MRTFA: variants seen among roughly 807,000 people sequenced by gnomAD.
The protein encoded by MRTFA is myocardin-related transcription factor A.
Under a neutral mutation model 83.5 loss-of-function variants are expected in MRTFA, and 20 were observed. The observed-to-expected ratio is 0.24, with a 90% CI of 0.17 to 0.35. The LOEUF is 0.35. MRTFA is among the 10% of genes least tolerant of loss of function. MRTFA has a pLI of 1.00. For missense variants in MRTFA, 1,200 were observed against 1,224.7 expected (o/e 0.98, Z 0.30); for synonymous variants, 659 against 541.2 (o/e 1.22, Z -3.02).
At chr22:40,595,105 T>G (rs561657134) in intron 1 of MRTFA, among the ~76,000 whole-genome samples, 5 of 151,522 alleles carry the variant, frequency 3.3e-5, no homozygotes, top group African/African-American at 1.2e-4. Flanking sequence ...CTTATTGGTG[T>G]TGATAAATGC....
chr22:40,419,200 G>A lies in MRTFA; in HGVS notation c.1538C>T (p.Ala513Val). ...CAGGGCTGGCCCCGTGCTCAGCCGG[G>A]CCGCTGGGAAGGCTACCACCACCTC... Residue 513 changes from alanine to valine, a missense_variant, in exon 12 of 15, where the codon GCC becomes GTC. Physicochemically the swap from Ala to Val is moderately conservative, Grantham distance 64 (BLOSUM62 0). Transcript: ENST00000355630. 1.9e-6 allele frequency: 3 copies of A among 1,593,750 alleles called. No individual in the cohort carries two copies. The highest frequency in any genetic ancestry group is 2.6e-6 in the Non-Finnish European group (3 of 1,170,210).
chr22:40,501,987 C>A (rs1602346610), intron 3 of MRTFA, among the ~76,000 whole-genome samples: 3 of 131,060 alleles, frequency 2.3e-5, no homozygotes, highest in Admixed American at 1.4e-4. Context: ...GGGGGCTGAC[C>A]CCCCCACCTC....
intron 4 of MRTFA, among the ~76,000 whole-genome samples, chr22:40,440,582 T>G (rs2053256692): frequency 6.6e-6 from 1 of 152,200 alleles, no homozygotes; most frequent in African/African-American, 2.4e-5. Flanking sequence ...TGTCAGGACT[T>G]CCTGCTGGGT....
intron 1 of MRTFA, among the ~76,000 whole-genome samples, chr22:40,602,152 T>C (rs1029273692): frequency 2.6e-5 from 4 of 152,196 alleles, no homozygotes; most frequent in African/African-American, 9.7e-5. Flanking sequence ...ACCACTAGTA[T>C]CACAATCTAG....
At chr22:40,577,415 T>C (rs939238775) in intron 2 of MRTFA, among the ~76,000 whole-genome samples, 1 of 150,422 alleles carries the variant, frequency 6.6e-6, no homozygotes, top group Non-Finnish European at 1.5e-5. Context: ...ACATTAACCA[T>C]TTTACTTGAT....
At chr22:40,503,385 CT>C (rs2054529562) in intron 3 of MRTFA, among the ~76,000 whole-genome samples, 1 of 152,154 alleles carries the variant, frequency 6.6e-6, no homozygotes, top group African/African-American at 2.4e-5. Flanking sequence ...AACTTTTGTA[CT>C]TTTAGTAGAG....
rs145415129 is a variant in MRTFA, at chr22:40,477,509, A to C, written c.242-14223T>G. Among the ~76,000 whole-genome samples the C allele has an allele frequency of 5.9e-5, 9 of 152,226 alleles. 1 individual carries two copies. The highest frequency in any genetic ancestry group is 5.9e-4 in the Admixed American group (9 of 15,278). On this transcript the variant is annotated intron_variant, in intron 3 of 14. Coordinates refer to ENST00000355630, the MANE Select transcript of MRTFA (RefSeq NM_020831.6). ...TCCTCAATTTTCTCACTATAATTCA[A>C]TTTTGAAAACTAATCCATATACCCT...
At position 40,419,164 on chromosome 22, in the gene MRTFA, C is replaced by T. The variant is rs1413391490; in HGVS notation, c.1574G>A (p.Gly525Asp). ...CACCACCACCTCAGCTGGAGCCAGGCCTGCTGCCACCAGGGCTGGCCCCGT... is the reference window on the plus strand; with the variant it reads ...CACCACCACCTCAGCTGGAGCCAGGTCTGCTGCCACCAGGGCTGGCCCCGT... Residue 525 changes from glycine to aspartate, a missense_variant, in exon 12 of 15, where the codon GGC becomes GAC. Around this residue, in one of 2 missense-constraint regions of MRTFA, gnomAD observed 1,107 missense variants for 1,041.8 expected, o/e 1.06. Transcript: ENST00000355630. The T allele has an allele frequency of 1.3e-6, 2 of 1,583,970 alleles. No individual in the cohort carries two copies. Among genetic ancestry groups the T allele is most frequent in the East Asian group, 2.3e-5 (1 of 42,852 alleles).
Position 40,419,191 on chromosome 22 carries a change from C to T in MRTFA, c.1547G>A (p.Ser516Asn), listed in dbSNP as rs775308316. 1.3e-6 allele frequency: 2 copies of T among 1,589,342 alleles called. No individual in the cohort carries two copies. The highest frequency in any genetic ancestry group is 1.8e-5 in the Admixed American group (1 of 56,634). The change falls in exon 12 of 15, where the codon AGC becomes AAC. Residue 516 changes from serine (S) to asparagine (N), a missense_variant. Transcript: ENST00000355630. ...TGCTGCCACCAGGGCTGGCCCCGTG[C>T]TCAGCCGGGCCGCTGGGAAGGCTAC...
chr22:40,486,935 T>G (rs542106223), intron 3 of MRTFA, among the ~76,000 whole-genome samples: 1 of 152,212 alleles, frequency 6.6e-6, no homozygotes, highest in Non-Finnish European at 1.5e-5. Context: ...GTTGCATCAC[T>G]GCAATCCAGC....
At chr22:40,437,382 G>A (rs1185364059) in intron 4 of MRTFA, among the ~76,000 whole-genome samples, 1 of 152,064 alleles carries the variant, frequency 6.6e-6, no homozygotes, top group East Asian at 1.9e-4. Context: ...AAGAGAAAAC[G>A]GACACTGTCC....
chr22:40,577,606 C>T (rs73169043), intron 2 of MRTFA, among the ~76,000 whole-genome samples: 12,032 of 148,048 alleles, frequency 0.081, 699 homozygotes, highest in East Asian at 0.25. Flanking sequence ...CAATCTACAT[C>T]TGATTTTTTT....
intron 2 of MRTFA, among the ~76,000 whole-genome samples, chr22:40,591,246 C>T (rs889967801): frequency 7.3e-5 from 11 of 150,258 alleles, no homozygotes; most frequent in Non-Finnish European, 1.3e-4. Flanking sequence ...CTTTCCACTC[C>T]GGCCTGGGCA....
At chr22:40,630,306 A>G (rs1037546452) in intron 1 of MRTFA, among the ~76,000 whole-genome samples, 8 of 151,994 alleles carry the variant, frequency 5.3e-5, no homozygotes, top group Admixed American at 2.6e-4. Context: ...AGAGAACGAG[A>G]CTCTGTCTCT....
intron 2 of MRTFA, among the ~76,000 whole-genome samples, chr22:40,562,236 G>A (rs1181085619): frequency 6.7e-6 from 1 of 149,690 alleles, no homozygotes; most frequent in African/African-American, 2.5e-5. Flanking sequence ...AAAAAAAAGA[G>A]GTCTCATGAC....
At chr22:40,576,577 T>G (rs1053724418) in intron 2 of MRTFA, among the ~76,000 whole-genome samples, 4 of 152,166 alleles carry the variant, frequency 2.6e-5, no homozygotes, top group Non-Finnish European at 5.9e-5. Context: ...AGATTACCCC[T>G]TTAGGAAGCG....
At chr22:40,611,216 GGCGTGAGCCACT>G (rs2056384361) in intron 1 of MRTFA, among the ~76,000 whole-genome samples, 3 of 152,082 alleles carry the variant, frequency 2.0e-5, no homozygotes, top group Admixed American at 1.3e-4. Context: ...TGGGATTACA[GGCGTGAGCCACT>G]GCGCCCAGCC....
chr22:40,499,914 CTTTT>C (rs72041822), intron 3 of MRTFA, among the ~76,000 whole-genome samples: 1 of 84,926 alleles, frequency 1.2e-5, no homozygotes, highest in African/African-American at 4.5e-5. Flanking sequence ...TCAAGTAGAC[CTTTT>C]TTTTTTTTTT....
At chr22:40,528,875 CTTTT>C (rs566971767) in intron 3 of MRTFA, among the ~76,000 whole-genome samples, 2 of 150,442 alleles carry the variant, frequency 1.3e-5, no homozygotes, top group African/African-American at 4.9e-5. Flanking sequence ...TTATGAGATT[CTTTT>C]TTTTTGCAAT....
Sources: gnomAD v4.1 joint callset for allele counts (sites outside exome capture counted in the v4.1 genomes callset) on GRCh38, gnomAD v4.1.1 for gene constraint, gnomAD v4.1.1 regional missense constraint, MANE v1.5 for transcripts, NCBI Gene and HGNC (gene_info 2026-07-23, HGNC 2026-07-21) for gene names.